Variants in LRRC37A3 observed in about 807,000 individuals in gnomAD.
LRRC37A3 encodes the protein leucine-rich repeat-containing protein 37A3.
LRRC37A3 carries 25 observed loss-of-function variants against 106.2 expected under a neutral mutation model. That is an observed-to-expected ratio of 0.24 (90% CI 0.17 to 0.33). The LOEUF (loss-of-function observed/expected upper bound fraction) is 0.33. LRRC37A3 is among the 10% of genes least tolerant of loss of function. The pLI is 1.00. For synonymous variants in LRRC37A3, 305 were observed against 635.8 expected (o/e 0.48, Z 7.83); for missense variants, 712 against 1,644.9 (o/e 0.43, Z 9.81).
At chr17:64,878,445 T>C (rs551831289) in intron 8 of LRRC37A3, among the ~76,000 whole-genome samples, 33 of 152,206 alleles carry the variant, frequency 2.2e-4, no homozygotes, top group Non-Finnish European at 4.6e-4. Flanking sequence ...TAAGGTCTAA[T>C]ATCCAGAGTA....
In LRRC37A3 at chr17:64,860,656, G is replaced by C. The variant is rs1598391807; in HGVS notation, c.3490C>G (p.Leu1164Val). Residue 1164 changes from leucine (L) to valine (V), a missense_variant, in exon 12 of 15, where the codon CTG becomes GTG. Transcript: ENST00000584306. Reference sequence around the variant, plus strand: ...CTTGGGCCCATGAGGACTCTATTCAGTCTCTGCCGGTTTTTGCCTACAGTT... The same window carrying C: ...CTTGGGCCCATGAGGACTCTATTCACTCTCTGCCGGTTTTTGCCTACAGTT... ...IQTVGKNRQR[L>V]NRVLMGPRSI... 2 of 1,613,976 alleles carry C rather than the reference G, an allele frequency of 1.2e-6. No homozygotes were observed. The highest frequency in any genetic ancestry group is 1.7e-6 in the Non-Finnish European group (2 of 1,179,870).
intron 8 of LRRC37A3, among the ~76,000 whole-genome samples, chr17:64,873,104 C>T (rs1033916325): frequency 3.1e-4 from 47 of 151,362 alleles, no homozygotes; most frequent in Non-Finnish European, 4.3e-4. Context: ...AGAAAAGTCA[C>T]TAAATAAATA....
intron 2 of LRRC37A3, among the ~76,000 whole-genome samples, chr17:64,916,084 G>A (rs529160621): frequency 5.3e-5 from 8 of 150,730 alleles, no homozygotes; most frequent in Non-Finnish European, 8.9e-5. Context: ...GCACTCCAGC[G>A]TGGGTGAAAG....
rs1163718255 is a variant in LRRC37A3, at chr17:64,893,562, T to C, written c.2610-962A>G. Among the ~76,000 whole-genome samples, 3 of 140,062 alleles carry C rather than the reference T, an allele frequency of 2.1e-5. No homozygotes were observed. In the East Asian group the frequency reaches 6.1e-4, roughly 29 times the overall value. The allele number at this position is 140,062 out of a possible 152,430, so 91.9% of individuals were successfully genotyped here. A position where few individuals can be genotyped will look rare whatever the true frequency, so the allele number is the denominator to read the frequency against. ...TCAAGGATCACAGATTCTGGCAAATTCTAGCACCAATGGTCTGCATTATCT... is the reference window on the plus strand; with the variant it reads ...TCAAGGATCACAGATTCTGGCAAATCCTAGCACCAATGGTCTGCATTATCT... On this transcript the variant is annotated intron_variant, in intron 4 of 14. Transcript: ENST00000584306.
intron 10 of LRRC37A3, among the ~76,000 whole-genome samples, chr17:64,867,575 G>C (rs1238321156): frequency 1.3e-5 from 2 of 151,010 alleles, no homozygotes; most frequent in Admixed American, 1.3e-4. Flanking sequence ...ACCTAATACA[G>C]TGTAAATGGT....
At chr17:64,911,079 C>T (rs913467570) in intron 2 of LRRC37A3, among the ~76,000 whole-genome samples, 16 of 152,120 alleles carry the variant, frequency 1.1e-4, no homozygotes, top group African/African-American at 2.9e-4. Context: ...TCTATATATA[C>T]GTATATCTAC....
rs1360828123 is a variant in LRRC37A3, at chr17:64,918,735, A to G, written c.-496+15T>C. The G allele has an allele frequency of 1.2e-5, 5 of 431,196 alleles. No individual in the cohort carries two copies. The highest frequency in any genetic ancestry group is 4.5e-5 in the South Asian group (2 of 44,710). The allele number at this position is 431,196 out of a possible 1,614,324, so 26.7% of individuals were successfully genotyped here. Reference sequence around the variant, plus strand: ...TTATACTTCATCCAATTTTGTAAAAAATACATACATATACCTGTGCCAGGT... The same window carrying G: ...TTATACTTCATCCAATTTTGTAAAAGATACATACATATACCTGTGCCAGGT... On this transcript the variant is annotated intron_variant, in intron 2 of 14. Transcript: ENST00000584306.
chr17:64,867,405 A>C (rs1973151763), intron 10 of LRRC37A3, among the ~76,000 whole-genome samples: 1 of 151,846 alleles, frequency 6.6e-6, no homozygotes, highest in Non-Finnish European at 1.5e-5. Flanking sequence ...CACAACCGGA[A>C]TACTACTCAG....
At chr17:64,916,197 A>AG (rs1321013779) in intron 2 of LRRC37A3, among the ~76,000 whole-genome samples, 1 of 151,492 alleles carries the variant, frequency 6.6e-6, no homozygotes, top group Non-Finnish European at 1.5e-5. Context: ...CAAGGTCAGG[A>AG]GATCAAGACC....
Position 64,860,543 on chromosome 17 carries a change from G to A in LRRC37A3, c.3603C>T (p.Ala1201=), listed in dbSNP as rs747103817. The A allele has an allele frequency of 3.8e-5, 62 of 1,612,686 alleles. No individual in the cohort carries two copies. Among genetic ancestry groups the A allele is most frequent in the Non-Finnish European group, 4.6e-5 (54 of 1,179,844 alleles). Residue 1201 remains alanine, a synonymous_variant, in exon 12 of 15, where the codon GCC becomes GCT. Transcript: ENST00000584306. ...QGAQASVENT[A]EEKRLGSPAP... is the part of the protein sequence containing the mutation. ...CTGGACTTCCGAGCCTTTTTTCTTC[G>A]GCAGTGTTCTCCACAGATGCCTGGG...
In LRRC37A3 at chr17:64,916,351, G is replaced by T. The variant is rs545513607; in HGVS notation, c.-496+2399C>A. Among the ~76,000 whole-genome samples the T allele has an allele frequency of 3.0e-4, 46 of 152,336 alleles. No homozygotes were observed. The South Asian group carries it at 9.3e-3, about 31-fold the overall frequency. The stretch of plus-strand genomic sequence containing the variant: ...ACCCGGGAGGGGGAGCTTGCAGTGA[G>T]TCAAGATCGCGCCACTGCACTCCAG... On this transcript the variant is annotated intron_variant, in intron 2 of 14. Coordinates refer to ENST00000584306, the MANE Select transcript of LRRC37A3 (RefSeq NM_199340.5).
chr17:64,874,369 G>A lies in LRRC37A3; in HGVS notation c.2907-5203C>T, dbSNP rs534628381. ...TGAGACGTGAGGAGCCCCTACGCCC[G>A]GCAGCCGCCCCGTCTGAGAAGTGAG... On this transcript the variant is annotated intron_variant, in intron 8 of 14. Transcript: ENST00000584306. 3.4e-4 allele frequency among the ~76,000 whole-genome samples: 51 copies of A among 149,874 alleles called. 1 individual carries two copies. Among genetic ancestry groups the A allele is most frequent in the East Asian group, 4.0e-4 (2 of 5,022 alleles).
intron 2 of LRRC37A3, among the ~76,000 whole-genome samples, chr17:64,903,621 C>CA (rs1359576421): frequency 3.6e-5 from 5 of 138,778 alleles, no homozygotes; most frequent in African/African-American, 1.4e-4. Context: ...GACTCTGTCT[C>CA]AAAAAAACAA....
chr17:64,858,640 A>G, intron 13 of LRRC37A3, 139 bp downstream of exon 13: 4 of 706,342 alleles, frequency 5.7e-6, no homozygotes, highest in African/African-American at 1.8e-5. Flanking sequence ...AGAACAAAGC[A>G]TACACCTCAG....
chr17:64,871,735 C>G (rs1397692847), intron 8 of LRRC37A3: 1 of 152,122 alleles, frequency 6.6e-6, no homozygotes, highest in African/African-American at 2.4e-5. Context: ...CTCAAAGGAT[C>G]CTTCTTCCTT....
In LRRC37A3 at chr17:64,862,146, C is replaced by T. The variant is rs548800026; in HGVS notation, c.3172+754G>A. On this transcript the variant is annotated intron_variant, in intron 11 of 14. Transcript: ENST00000584306. ...AGTTTTGAAAAATAAGCAACACTGA[C>T]TTTATGTAACCAAGCATTATTAATT... Among the ~76,000 whole-genome samples, 11 of 151,656 alleles carry T rather than the reference C, an allele frequency of 7.3e-5. No individual in the cohort carries two copies. The East Asian group carries it at 2.1e-3, about 29-fold the overall frequency.
At chr17:64,857,470 A>T (rs558293568) in intron 13 of LRRC37A3, among the ~76,000 whole-genome samples, 2 of 152,322 alleles carry the variant, frequency 1.3e-5, no homozygotes, top group South Asian at 4.1e-4. Flanking sequence ...ACATAATCCT[A>T]TTCAAATCCC....
intron 2 of LRRC37A3, among the ~76,000 whole-genome samples, chr17:64,902,664 G>C (rs2143594318): frequency 8.4e-6 from 1 of 118,430 alleles, no homozygotes; most frequent in Non-Finnish European, 1.7e-5. Context: ...ATCTGACAAA[G>C]CCTTCTCAAT....
intron 2 of LRRC37A3, among the ~76,000 whole-genome samples, chr17:64,917,245 C>CAAAAAA (rs1283286984): frequency 6.7e-4 from 19 of 28,294 alleles, no homozygotes; most frequent in South Asian, 3.1e-3. Flanking sequence ...GACTCCATCT[C>CAAAAAA]AAAAAAAAAA....
Sources: gnomAD v4.1 joint callset for allele counts (sites outside exome capture counted in the v4.1 genomes callset) on GRCh38, gnomAD v4.1.1 for gene constraint, MANE v1.5 for transcripts, NCBI Gene and HGNC (gene_info 2026-07-23, HGNC 2026-07-21) for gene names.